PRKN: variants seen among roughly 807,000 people sequenced by gnomAD.
The protein encoded by PRKN is parkin RBR E3 ubiquitin protein ligase.
In PRKN, 56 loss-of-function variants were observed where a neutral mutation model predicts 59.5. The observed-to-expected ratio is 0.94, with a 90% confidence interval of 0.76 to 1.18. The LOEUF (loss-of-function observed/expected upper bound fraction) is 1.18, where lower values mean the gene tolerates loss of function less well. Among genes scored for constraint, PRKN ranks in the 50% most tolerant of loss-of-function variants. The probability of loss-of-function intolerance (pLI) is 0.00; values close to 1 mark genes in which losing one functional copy is unlikely to be tolerated. For synonymous variants in PRKN, 250 were observed against 222.1 expected, an observed-to-expected ratio of 1.13 and a Z score of -1.12; for missense variants, 657 against 596.4, an observed-to-expected ratio of 1.10 and a Z score of -1.06.
At chr6:161,425,611 C>G (rs770009738) in intron 9 of PRKN, among the ~76,000 whole-genome samples, 1 of 152,110 alleles carries the variant, frequency 6.6e-6, no homozygotes, top group Non-Finnish European at 1.5e-5. Context: ...AAGGACTAGT[C>G]CCCCTTGGCT....
chr6:162,010,598 A>C lies in PRKN; in HGVS notation c.619-37181T>G, dbSNP rs866784379. 1.7e-3 allele frequency among the ~76,000 whole-genome samples: 7 copies of C among 4,198 alleles called. 2 individuals carry two copies. Among genetic ancestry groups the C allele is most frequent in the East Asian group, 0.02 (2 of 98 alleles). 2.8% of individuals were successfully genotyped at this position (4,198 alleles called of 152,430 possible). A position where few individuals can be genotyped will look rare whatever the true frequency, so the allele number is the denominator to read the frequency against. On this transcript the variant is annotated intron_variant, in intron 5 of 11. Transcript: ENST00000366898. Reference sequence around the variant, plus strand: ...AATGTATTATATTATATATAATATAATATATATTATATAATATATTATATT... The same window carrying C: ...AATGTATTATATTATATATAATATACTATATATTATATAATATATTATATT...
chr6:162,542,342 G>T (rs529639445), intron 1 of PRKN, among the ~76,000 whole-genome samples: 83 of 152,222 alleles, frequency 5.5e-4, no homozygotes, highest in African/African-American at 1.9e-3. Flanking sequence ...CCAAAGCCCA[G>T]AGATGTTACT....
chr6:162,056,969 G>C lies in PRKN; in HGVS notation c.535-2795C>G, dbSNP rs762020979. Among the ~76,000 whole-genome samples, 4 of 151,984 alleles carry C rather than the reference G, an allele frequency of 2.6e-5. No homozygotes were observed. The highest frequency in any genetic ancestry group is 7.3e-5 in the African/African-American group (3 of 41,358). ...TCCTCCCCCTGGGCCTTTTCCCCTCGCTTCATATCCTTTTGTTGTAGTGAA... is the reference window on the plus strand; with the variant it reads ...TCCTCCCCCTGGGCCTTTTCCCCTCCCTTCATATCCTTTTGTTGTAGTGAA... On this transcript the variant is annotated intron_variant, in intron 4 of 11. Coordinates refer to ENST00000366898, the MANE Select transcript of PRKN (RefSeq NM_004562.3). This position sits in a 1 kb window ranked among gnomAD's most constrained non-coding sequence, Gnocchi z 4.9.
intron 1 of PRKN, among the ~76,000 whole-genome samples, chr6:162,675,036 AT>A (rs869266677): frequency 4.5e-5 from 1 of 22,112 alleles, no homozygotes; most frequent in Non-Finnish European, 8.2e-5. Context: ...TATTTTATTT[AT>A]TTATTTATTT....
intron 7 of PRKN, among the ~76,000 whole-genome samples, chr6:161,598,800 G>A (rs917404269): frequency 2.0e-5 from 3 of 152,164 alleles, no homozygotes; most frequent in African/African-American, 7.2e-5. Context: ...GATGTTGGGT[G>A]GCCATGGATG....
chr6:161,751,547 T>C lies in PRKN; in HGVS notation c.871+34225A>G, dbSNP rs1788694928. On this transcript the variant is annotated intron_variant, in intron 7 of 11. Coordinates refer to ENST00000366898, the MANE Select transcript of PRKN (RefSeq NM_004562.3). ...TTTAAAAGTGTGTGAGAACATAAAA[T>C]TACACAATCATAAAGTAAGTTAAAA... 1.3e-5 allele frequency among the ~76,000 whole-genome samples: 2 copies of C among 152,200 alleles called. 1 individual carries two copies. Among genetic ancestry groups the C allele is most frequent in the South Asian group, 4.1e-4 (2 of 4,820 alleles).
intron 1 of PRKN, among the ~76,000 whole-genome samples, chr6:162,480,354 G>A (rs1792244286): frequency 6.6e-6 from 1 of 152,116 alleles, no homozygotes; most frequent in African/African-American, 2.4e-5. Context: ...GAAATGTCAT[G>A]GGGCACATGG....
At chr6:162,295,733 A>AT (rs146703148) in intron 2 of PRKN, among the ~76,000 whole-genome samples, 1 of 152,218 alleles carries the variant, frequency 6.6e-6, no homozygotes, top group African/African-American at 2.4e-5. Flanking sequence ...TAACTTCATA[A>AT]TTCTAGAGCA....
rs188468357 is a variant in PRKN, at chr6:161,975,081, A to G, written c.619-1664T>C. Among the ~76,000 whole-genome samples, 157 of 146,720 alleles carry G rather than the reference A, an allele frequency of 1.1e-3. 1 individual carries two copies. In the Middle Eastern group the frequency reaches 0.014, roughly 14 times the overall value. The stretch of plus-strand genomic sequence containing the variant: ...TGACATTAGGATAGGCATGACATAT[A>G]CTTCTTTTTTTTTTTTTTTTTTTTT... On this transcript the variant is annotated intron_variant, in intron 5 of 11. Coordinates refer to ENST00000366898, the MANE Select transcript of PRKN (RefSeq NM_004562.3).
At chr6:161,495,485 G>C (rs1777715264) in intron 9 of PRKN, among the ~76,000 whole-genome samples, 1 of 152,216 alleles carries the variant, frequency 6.6e-6, no homozygotes, top group East Asian at 1.9e-4. Context: ...CATGTGACTG[G>C]ATCTGGCACC....
chr6:161,927,955 T>C (rs1321928403), intron 6 of PRKN, among the ~76,000 whole-genome samples: 1 of 152,204 alleles, frequency 6.6e-6, no homozygotes, highest in Non-Finnish European at 1.5e-5. Flanking sequence ...CTTACTGTTG[T>C]AGACCAAATA....
chr6:161,895,002 GTT>G (rs1777558917), intron 6 of PRKN, among the ~76,000 whole-genome samples: 3 of 152,136 alleles, frequency 2.0e-5, no homozygotes, highest in South Asian at 4.1e-4. Flanking sequence ...ACCTCACTCT[GTT>G]ATAACAATAT....
intron 1 of PRKN, among the ~76,000 whole-genome samples, chr6:162,538,583 T>C (rs1778806595): frequency 6.6e-6 from 1 of 152,144 alleles, no homozygotes; most frequent in Non-Finnish European, 1.5e-5. Context: ...CCAGACTGAT[T>C]CCATGTTTTT....
chr6:161,566,146 T>C lies in PRKN; in HGVS notation c.933+3209A>G, dbSNP rs1435591121. On this transcript the variant is annotated intron_variant, in intron 8 of 11. Coordinates refer to ENST00000366898, the MANE Select transcript of PRKN (RefSeq NM_004562.3). This position sits in a 1 kb window ranked among gnomAD's most constrained non-coding sequence, Gnocchi z 4.1. ...CTTTCCTCTTCAGCTAAGTTCCCAG[T>C]TGCCAAAATTAAAATGTATGTATTT... 2.6e-5 allele frequency among the ~76,000 whole-genome samples: 4 copies of C among 152,236 alleles called. No individual in the cohort carries two copies. Among genetic ancestry groups the C allele is most frequent in the African/African-American group, 7.2e-5 (3 of 41,476 alleles).
intron 2 of PRKN, among the ~76,000 whole-genome samples, chr6:162,307,432 T>C (rs1782284992): frequency 7.0e-6 from 1 of 143,400 alleles, no homozygotes; most frequent in African/African-American, 2.6e-5. Context: ...CAACTAGATA[T>C]AACTAAGCAG....
intron 1 of PRKN, among the ~76,000 whole-genome samples, chr6:162,710,542 G>C (rs551441387): frequency 2.4e-4 from 37 of 152,258 alleles, no homozygotes; most frequent in Non-Finnish European, 4.9e-4. Context: ...CAGTGGGAAA[G>C]GGGAGGTGAA....
intron 1 of PRKN, among the ~76,000 whole-genome samples, chr6:162,479,482 G>A (rs1250951494): frequency 1.3e-5 from 2 of 152,096 alleles, no homozygotes; most frequent in Non-Finnish European, 2.9e-5. Flanking sequence ...GCCCACCTAA[G>A]CCTCCCAAAC....
chr6:161,536,566 C>A (rs1243140492), intron 9 of PRKN, among the ~76,000 whole-genome samples: 1 of 152,206 alleles, frequency 6.6e-6, no homozygotes, highest in Non-Finnish European at 1.5e-5. Context: ...TGCCAGCTGC[C>A]AGCCAGGTGC....
At chr6:162,382,305 A>C (rs1427259017) in intron 2 of PRKN, among the ~76,000 whole-genome samples, 1 of 152,186 alleles carries the variant, frequency 6.6e-6, no homozygotes, top group African/African-American at 2.4e-5. Flanking sequence ...TTTCCTGAAT[A>C]ATTAAATAAT....
Sources: allele counts gnomAD v4.1 joint callset (sites outside exome capture counted in the v4.1 genomes callset), GRCh38; gene constraint gnomAD v4.1.1; non-coding constraint Gnocchi (gnomAD v3.1); transcripts MANE v1.5; gene names NCBI Gene and HGNC (gene_info 2026-07-23, HGNC 2026-07-21).